RSPO2: variants seen among roughly 807,000 people sequenced by gnomAD.
RSPO2 encodes R-spondin-2.
In RSPO2, 14 loss-of-function variants were observed where a neutral mutation model predicts 30.9. The ratio of observed to expected loss-of-function variants is 0.45; its 90% CI spans 0.30 to 0.71. The LOEUF is 0.71. Ranked by LOEUF, RSPO2 falls within the 30% of genes least tolerant of loss-of-function variation. The pLI is 0.08. For missense variants in RSPO2, 264 were observed against 301.9 expected (o/e 0.87, Z 0.93); for synonymous variants, 107 against 96.4 (o/e 1.11, Z -0.64).
chr8:107,941,721 A>G (rs1812902875), intron 5 of RSPO2, among the ~76,000 whole-genome samples: 1 of 152,206 alleles, frequency 6.6e-6, no homozygotes, highest in African/African-American at 2.4e-5. Context: ...TTTCACAGTG[A>G]GCAGACTTGG....
chr8:107,931,551 A>G (rs889572851), intron 5 of RSPO2, among the ~76,000 whole-genome samples: 1 of 152,198 alleles, frequency 6.6e-6, no homozygotes, highest in African/African-American at 2.4e-5. Context: ...AAAATCAAGT[A>G]AAATAGAATA....
intron 3 of RSPO2, 136 bp from the exon 4 acceptor site, chr8:107,960,953 T>C: frequency 1.5e-6 from 1 of 657,754 alleles, no homozygotes. Flanking sequence ...TTAACTCATT[T>C]GTTTCCTAGC....
At chr8:107,995,031 C>T (rs905340518) in intron 2 of RSPO2, among the ~76,000 whole-genome samples, 1 of 152,092 alleles carries the variant, frequency 6.6e-6, no homozygotes, top group Non-Finnish European at 1.5e-5. Context: ...AAAACCAGGG[C>T]TTATTCTACC....
intron 5 of RSPO2, among the ~76,000 whole-genome samples, chr8:107,948,294 C>G (rs990670214): frequency 6.6e-6 from 1 of 152,104 alleles, no homozygotes; most frequent in Admixed American, 6.6e-5. Flanking sequence ...AAAGACACGG[C>G]AATAGAAAAA....
chr8:108,020,034 A>G (rs1375723364), intron 2 of RSPO2, among the ~76,000 whole-genome samples: 4 of 151,786 alleles, frequency 2.6e-5, no homozygotes, highest in African/African-American at 7.3e-5. Context: ...CCTAGACAGG[A>G]ATGTGGTGTA....
intron 2 of RSPO2, among the ~76,000 whole-genome samples, chr8:108,057,653 T>A (rs1043213809): frequency 3.3e-5 from 5 of 152,122 alleles, no homozygotes; most frequent in Admixed American, 1.3e-4. Flanking sequence ...TGGATACAGA[T>A]CATTTATTTT....
At chr8:107,977,661 C>T (rs2130490887) in intron 3 of RSPO2, among the ~76,000 whole-genome samples, 1 of 152,090 alleles carries the variant, frequency 6.6e-6, no homozygotes, top group South Asian at 2.1e-4. Context: ...GTGGGGTGGT[C>T]CTGTTTGCCA....
At chr8:108,063,296 C>CA in intron 2 of RSPO2, among the ~76,000 whole-genome samples, 1 of 151,898 alleles carries the variant, frequency 6.6e-6, no homozygotes, top group African/African-American at 2.4e-5. Context: ...CTTCTCAGCC[C>CA]AAAATCTCCT....
chr8:107,912,571 G>T (rs1333982377), intron 5 of RSPO2, among the ~76,000 whole-genome samples: 1 of 152,152 alleles, frequency 6.6e-6, no homozygotes, highest in Non-Finnish European at 1.5e-5. Flanking sequence ...CCAGAAACTG[G>T]AGTTACTCTA....
chr8:107,906,576 C>T (rs374883038), intron 5 of RSPO2, among the ~76,000 whole-genome samples: 1 of 151,774 alleles, frequency 6.6e-6, no homozygotes, highest in Admixed American at 6.6e-5. Flanking sequence ...GTAATTAGAT[C>T]TGAAATATAA....
intron 2 of RSPO2, among the ~76,000 whole-genome samples, chr8:108,037,320 C>T (rs1811627649): frequency 1.3e-5 from 2 of 152,186 alleles, no homozygotes; most frequent in African/African-American, 4.8e-5. Context: ...CCAGCCAGAA[C>T]ATTCCTTTAA....
intron 5 of RSPO2, among the ~76,000 whole-genome samples, chr8:107,923,934 C>G (rs1199465283): frequency 1.3e-5 from 2 of 151,890 alleles, no homozygotes; most frequent in Non-Finnish European, 2.9e-5. Context: ...ACTCTGGGGC[C>G]TATCGGGGGT....
At chr8:107,960,602 G>A in intron 4 of RSPO2, 72 bp downstream of exon 4, 4 of 1,348,228 alleles carry the variant, frequency 3.0e-6, no homozygotes, top group Non-Finnish European at 4.2e-6. Flanking sequence ...AATATATCCA[G>A]CATGCATATT....
rs2130432626 is a variant in RSPO2 at position 107,958,096 on chromosome 8, C to T, written c.600G>A (p.Met200Ile). Residue 200 changes from methionine (M) to isoleucine (I), a missense_variant, in exon 5 of 6, where the codon ATG (methionine) becomes ATA (isoleucine). Transcript: ENST00000276659. Reference protein sequence around the residue: ...IAESRRCKMTMRHCPGGKRTP... With the variant: ...IAESRRCKMTIRHCPGGKRTP... ...CACACCTACCTCCTGGACAATGCCT[C>T]ATTGTCATCTTGCATCTCCTGGATT... 6.2e-7 allele frequency: 1 copy of T among 1,613,252 alleles called. No homozygotes were observed. The highest frequency in any genetic ancestry group is 1.1e-5 in the South Asian group (1 of 91,038).
chr8:107,904,595 T>C (rs1811580131), intron 5 of RSPO2, among the ~76,000 whole-genome samples: 1 of 152,046 alleles, frequency 6.6e-6, no homozygotes. Flanking sequence ...TTACCGTTTT[T>C]AAGGAAGGCA....
chr8:108,046,982 A>C (rs1233950747), intron 2 of RSPO2, among the ~76,000 whole-genome samples: 2 of 152,184 alleles, frequency 1.3e-5, no homozygotes, highest in Non-Finnish European at 2.9e-5. Flanking sequence ...AAGTCAAGAA[A>C]GGTTAAAGAG....
At chr8:107,991,249 AACAC>A (rs60247229) in intron 2 of RSPO2, among the ~76,000 whole-genome samples, 11,615 of 133,316 alleles carry the variant, frequency 0.087, 505 homozygotes, top group Middle Eastern at 0.13. Flanking sequence ...CTCCATCTCA[AACAC>A]ACACACACAC....
chr8:107,923,452 T>C, intron 5 of RSPO2, among the ~76,000 whole-genome samples: 1 of 152,126 alleles, frequency 6.6e-6, no homozygotes, highest in African/African-American at 2.4e-5. Context: ...AAAGGAAACA[T>C]TTATACACTG....
At chr8:108,017,989 AG>A (rs1810948055) in intron 2 of RSPO2, among the ~76,000 whole-genome samples, 1 of 152,252 alleles carries the variant, frequency 6.6e-6, no homozygotes, top group Non-Finnish European at 1.5e-5. Flanking sequence ...TTGAAGGCTC[AG>A]TCTACAGAAT....
Sources: allele counts gnomAD v4.1 joint callset (sites outside exome capture counted in the v4.1 genomes callset), GRCh38; gene constraint gnomAD v4.1.1; transcripts MANE v1.5; gene names NCBI Gene and HGNC (gene_info 2026-07-23, HGNC 2026-07-21).